Variants in ITFG1 observed in about 807,000 individuals in gnomAD.
ITFG1 encodes the protein T-cell immunomodulatory protein.
Under a neutral mutation model 81.8 loss-of-function variants are expected in ITFG1, and 34 were observed. The observed-to-expected ratio is 0.42, with a 90% CI of 0.32 to 0.55. ITFG1 has a LOEUF of 0.55. Ranked by LOEUF, ITFG1 falls within the 20% of genes least tolerant of loss-of-function variation. The probability of loss-of-function intolerance (pLI) is 0.17; values close to 1 mark genes in which losing one functional copy is unlikely to be tolerated. For missense variants in ITFG1, 672 were observed against 755.4 expected, an observed-to-expected ratio of 0.89 and a Z score of 1.29; for synonymous variants, 285 against 270.6, an observed-to-expected ratio of 1.05 and a Z score of -0.52.
chr16:47,283,786 G>A (rs1966859988), intron 10 of ITFG1, among the ~76,000 whole-genome samples: 1 of 152,170 alleles, frequency 6.6e-6, no homozygotes. Context: ...TATGGCAATA[G>A]GAAACTAATA....
chr16:47,419,186 T>A (rs1448805327), intron 6 of ITFG1, among the ~76,000 whole-genome samples: 1 of 152,238 alleles, frequency 6.6e-6, no homozygotes, highest in Non-Finnish European at 1.5e-5. Context: ...TCTGTCTATG[T>A]TGTCCAAGGT....
chr16:47,228,151 G>A (rs1965776832), intron 13 of ITFG1, among the ~76,000 whole-genome samples: 1 of 152,018 alleles, frequency 6.6e-6, no homozygotes, highest in African/African-American at 2.4e-5. Context: ...TCTATCTTTG[G>A]TACACGAAGC....
intron 6 of ITFG1, 64 bp downstream of exon 6, chr16:47,428,740 C>T (rs1969055139): frequency 2.1e-6 from 2 of 932,458 alleles, no homozygotes; most frequent in Non-Finnish European, 3.5e-6. Context: ...ACAAAGTGTA[C>T]AGTAAATAAA....
intron 12 of ITFG1, among the ~76,000 whole-genome samples, chr16:47,238,710 GAA>G (rs1257839833): frequency 6.6e-6 from 1 of 151,994 alleles, no homozygotes; most frequent in African/African-American, 2.4e-5. Flanking sequence ...ATAAGATAAA[GAA>G]AGAGAGCTGA....
chr16:47,218,797 C>T, intron 14 of ITFG1, 71 bp downstream of exon 14: 1 of 854,812 alleles, frequency 1.2e-6, no homozygotes, highest in Non-Finnish European at 1.8e-6. Flanking sequence ...TAATTTTTTC[C>T]ACCAGTTTAC....
intron 5 of ITFG1, among the ~76,000 whole-genome samples, chr16:47,437,813 C>T (rs1191445173): frequency 1.3e-5 from 2 of 152,200 alleles, no homozygotes; most frequent in South Asian, 2.1e-4. Context: ...ACTGAGGTAC[C>T]GGGTACATCT....
At chr16:47,367,291 A>G (rs138100978) in intron 7 of ITFG1, among the ~76,000 whole-genome samples, 2 of 152,306 alleles carry the variant, frequency 1.3e-5, no homozygotes, top group African/African-American at 4.8e-5. Flanking sequence ...TTAGGTTTTT[A>G]TGATGGTTTC....
At chr16:47,411,663 G>A (rs1048733360) in intron 6 of ITFG1, among the ~76,000 whole-genome samples, 8 of 152,076 alleles carry the variant, frequency 5.3e-5, no homozygotes, top group African/African-American at 1.9e-4. Context: ...CCTTTGACTC[G>A]GACAACCACT....
intron 6 of ITFG1, among the ~76,000 whole-genome samples, chr16:47,380,733 C>T (rs1317138563): frequency 6.6e-6 from 1 of 152,080 alleles, no homozygotes. Flanking sequence ...TTACAGGAAC[C>T]ATATATATTT....
Position 47,192,974 on chromosome 16 carries a change from G to T in ITFG1, c.1453+25894C>A, listed in dbSNP as rs796456129. On this transcript the variant is annotated intron_variant, in intron 14 of 17. Transcript: ENST00000320640. The stretch of plus-strand genomic sequence containing the variant: ...CTACCAGTTGCTGGCTCTAGCTGCG[G>T]CTTCTACTCAGTAATCTGTGATTCT... 6.7e-4 allele frequency among the ~76,000 whole-genome samples: 102 copies of T among 152,238 alleles called. 1 individual carries two copies. Among genetic ancestry groups the T allele is most frequent in the African/African-American group, 2.3e-3 (97 of 41,556 alleles).
intron 3 of ITFG1, 86 bp from the exon 4 acceptor site, chr16:47,452,876 C>T (rs1359632462): frequency 7.7e-6 from 5 of 646,878 alleles, no homozygotes; most frequent in Non-Finnish European, 1.3e-5. Context: ...TATTCTTCTA[C>T]TCTTTTCTAG....
intron 5 of ITFG1, among the ~76,000 whole-genome samples, chr16:47,438,420 A>C (rs1002557985): frequency 6.6e-6 from 1 of 152,188 alleles, no homozygotes; most frequent in South Asian, 2.1e-4. Flanking sequence ...GAGTAGCCTA[A>C]CTGGGAGGCA....
intron 10 of ITFG1, among the ~76,000 whole-genome samples, chr16:47,271,597 C>G (rs567837256): frequency 1.1e-4 from 16 of 152,358 alleles, no homozygotes; most frequent in Non-Finnish European, 2.2e-4. Context: ...CACTGGCTCA[C>G]GCCTGTGATC....
chr16:47,381,023 T>A (rs1968389732), intron 6 of ITFG1, among the ~76,000 whole-genome samples: 1 of 152,174 alleles, frequency 6.6e-6, no homozygotes, highest in African/African-American at 2.4e-5. Flanking sequence ...ACAAAAACAT[T>A]AAATGGTTTA....
intron 10 of ITFG1, among the ~76,000 whole-genome samples, chr16:47,280,258 A>C (rs1966437947): frequency 1.3e-5 from 2 of 152,124 alleles, no homozygotes; most frequent in Non-Finnish European, 2.9e-5. Context: ...AGATTTTTTT[A>C]TAATTCTTTA....
At chr16:47,212,980 A>C (rs991003629) in intron 14 of ITFG1, among the ~76,000 whole-genome samples, 2 of 152,018 alleles carry the variant, frequency 1.3e-5, no homozygotes, top group African/African-American at 2.4e-5. Flanking sequence ...TAGGTTGTTG[A>C]GGTGGGTGCT....
chr16:47,266,684 C>T lies in ITFG1; in HGVS notation c.1071-5989G>A, dbSNP rs574662685. On this transcript the variant is annotated intron_variant, in intron 10 of 17. Transcript: ENST00000320640. ...TTAAACATAGAGTTAAAATTTGACACAGGATTTTATTCCTAGATATATTCC... is the reference window on the plus strand; with the variant it reads ...TTAAACATAGAGTTAAAATTTGACATAGGATTTTATTCCTAGATATATTCC... Among the ~76,000 whole-genome samples the T allele has an allele frequency of 2.6e-5, 4 of 152,266 alleles. No homozygotes were observed. The East Asian group carries it at 7.7e-4, about 29-fold the overall frequency.
chr16:47,415,783 A>G (rs1458479792), intron 6 of ITFG1, among the ~76,000 whole-genome samples: 3 of 152,162 alleles, frequency 2.0e-5, no homozygotes, highest in African/African-American at 7.2e-5. Context: ...CTTCAGGGCA[A>G]GATAAGTGTT....
chr16:47,361,261 A>G (rs1371107415), intron 8 of ITFG1, among the ~76,000 whole-genome samples: 1 of 152,136 alleles, frequency 6.6e-6, no homozygotes, highest in East Asian at 1.9e-4. Flanking sequence ...TATGACATTT[A>G]CAATAATTCA....
Sources: allele counts gnomAD v4.1 joint callset (sites outside exome capture counted in the v4.1 genomes callset), GRCh38; gene constraint gnomAD v4.1.1; transcripts MANE v1.5; gene names NCBI Gene and HGNC (gene_info 2026-07-23, HGNC 2026-07-21).